Variants in R3HDM2 observed in about 807,000 individuals in gnomAD.
R3HDM2 encodes R3H domain-containing protein 2.
In R3HDM2, 38 loss-of-function variants were observed where a neutral mutation model predicts 124.5. That is an observed-to-expected ratio of 0.31 (90% confidence interval 0.24 to 0.40). The LOEUF (loss-of-function observed/expected upper bound fraction) is 0.40, where lower values mean the gene tolerates loss of function less well. R3HDM2 is among the 10% of genes least tolerant of loss of function. R3HDM2 has a pLI of 1.00. For synonymous variants in R3HDM2, 391 were observed against 448.0 expected, an observed-to-expected ratio of 0.87 and a Z score of 1.61; for missense variants, 869 against 1,236.9, an observed-to-expected ratio of 0.70 and a Z score of 4.46.
intron 2 of R3HDM2, among the ~76,000 whole-genome samples, chr12:57,381,636 C>A (rs2064896005): frequency 6.6e-6 from 1 of 151,274 alleles, no homozygotes; most frequent in Non-Finnish European, 1.5e-5. Context: ...AAATAGGATT[C>A]TAGAATTAAA....
intron 2 of R3HDM2, among the ~76,000 whole-genome samples, chr12:57,325,155 T>C (rs544957910): frequency 2.0e-5 from 3 of 152,346 alleles, no homozygotes; most frequent in East Asian, 3.9e-4. Flanking sequence ...TCTTTTGTTA[T>C]GGCAGCCCTA....
chr12:57,303,113 A>C (rs1054358682), intron 4 of R3HDM2, 63 bp downstream of exon 4: 4 of 1,379,728 alleles, frequency 2.9e-6, no homozygotes, highest in Non-Finnish European at 4.0e-6. Flanking sequence ...TATTCATGAC[A>C]AGTCTACTTG....
intron 18 of R3HDM2, chr12:57,268,072 CATAAATT>C (rs2042862451): frequency 5.7e-6 from 2 of 353,662 alleles, no homozygotes; most frequent in Non-Finnish European, 1.0e-5. Context: ...TGGAGGAAAT[CATAAATT>C]ATAAGTCTCT....
At chr12:57,304,452 A>C in intron 3 of R3HDM2, 1 of 948,274 alleles carries the variant, frequency 1.1e-6, no homozygotes, top group Non-Finnish European at 1.3e-6. Context: ...GGGGAGGGGA[A>C]ACAAGTCAGA....
intron 1 of R3HDM2, among the ~76,000 whole-genome samples, chr12:57,409,452 TTAAC>T (rs911688003): frequency 2.6e-5 from 4 of 151,248 alleles, no homozygotes; most frequent in Admixed American, 1.3e-4. Context: ...AGAAGTTCTG[TTAAC>T]TAACTGATAA....
intron 2 of R3HDM2, among the ~76,000 whole-genome samples, chr12:57,361,167 C>A (rs1269609946): frequency 1.3e-5 from 2 of 150,950 alleles, no homozygotes. Context: ...CCTGAGGTCG[C>A]GAGTTTGAGA....
chr12:57,379,025 G>T (rs1028513027), intron 2 of R3HDM2, among the ~76,000 whole-genome samples: 1 of 152,156 alleles, frequency 6.6e-6, no homozygotes, highest in African/African-American at 2.4e-5. Context: ...AATCATAGAA[G>T]ACGGAAAGTA....
At chr12:57,408,669 T>C (rs942932148) in intron 1 of R3HDM2, among the ~76,000 whole-genome samples, 1 of 152,182 alleles carries the variant, frequency 6.6e-6, no homozygotes, top group South Asian at 2.1e-4. Context: ...TATACCACTC[T>C]TGTTGCTTCT....
chr12:57,296,095 C>T lies in R3HDM2; in HGVS notation c.701+316G>A, dbSNP rs2049805362. ...ATCTTGGCCAAGCGGGTCTTGAACT[C>T]CTGACCTTATGATCCACCCGCCTCG... is the stretch of plus-strand genomic sequence containing the variant. On this transcript the variant is annotated intron_variant, in intron 9 of 23. Coordinates refer to ENST00000402412, the MANE Select transcript of R3HDM2 (RefSeq NM_001394031.1). The surrounding 1 kb of genome is among the most constrained non-coding windows in gnomAD (Gnocchi z 4.5). Among the ~76,000 whole-genome samples, 1 of 151,532 alleles carries T rather than the reference C, an allele frequency of 6.6e-6. No individual in the cohort carries two copies. The highest frequency in any genetic ancestry group is 1.5e-5 in the Non-Finnish European group (1 of 67,952).
chr12:57,354,055 TG>T (rs2060969203), intron 2 of R3HDM2, among the ~76,000 whole-genome samples: 1 of 152,058 alleles, frequency 6.6e-6, no homozygotes, highest in Admixed American at 6.6e-5. Context: ...GGTTTCACCA[TG>T]TTGGCCAGGC....
At chr12:57,362,523 G>A (rs567876804) in intron 2 of R3HDM2, among the ~76,000 whole-genome samples, 1 of 152,180 alleles carries the variant, frequency 6.6e-6, no homozygotes, top group Non-Finnish European at 1.5e-5. Context: ...CTAGTCAACA[G>A]TAGACGATTA....
chr12:57,264,230 A>G (rs1164700426), intron 19 of R3HDM2, among the ~76,000 whole-genome samples: 2 of 136,974 alleles, frequency 1.5e-5, no homozygotes, highest in African/African-American at 2.7e-5. Context: ...CGACAGAGAG[A>G]GACTCTGTCT....
chr12:57,335,163 T>G (rs1394321729), intron 2 of R3HDM2, among the ~76,000 whole-genome samples: 3 of 151,452 alleles, frequency 2.0e-5, no homozygotes, highest in Non-Finnish European at 4.4e-5. Context: ...TAACATATAT[T>G]TTTTCATATA....
At chr12:57,404,576 G>A (rs1000990284) in intron 1 of R3HDM2, among the ~76,000 whole-genome samples, 2 of 151,830 alleles carry the variant, frequency 1.3e-5, no homozygotes, top group African/African-American at 2.4e-5. Context: ...GGTGGCGTGC[G>A]CCTGTAGTCC....
Position 57,299,843 on chromosome 12 carries a change from G to T in R3HDM2, c.294+252C>A, listed in dbSNP as rs76445081. Among the ~76,000 whole-genome samples, 323 of 152,274 alleles carry T rather than the reference G, an allele frequency of 2.1e-3. 9 individuals are homozygous for T. The East Asian group carries it at 0.05, about 24-fold the overall frequency. ...CAAGATATGAAGACCTATACTTCAT[G>T]CTCTCACTATGCTGGGGTTTTTTTC... On this transcript the variant is annotated intron_variant, in intron 5 of 23. Coordinates refer to ENST00000402412, the MANE Select transcript of R3HDM2 (RefSeq NM_001394031.1).
intron 10 of R3HDM2, among the ~76,000 whole-genome samples, chr12:57,293,788 C>T (rs749690896): frequency 3.3e-5 from 5 of 152,164 alleles, no homozygotes; most frequent in Non-Finnish European, 7.4e-5. Context: ...TACCAATCTC[C>T]AAAGGTAACC....
Position 57,296,366 on chromosome 12 carries a change from G to A in R3HDM2, c.701+45C>T. 6 of 1,546,746 alleles carry A rather than the reference G, an allele frequency of 3.9e-6. No homozygotes were observed. Among genetic ancestry groups the A allele is most frequent in the Non-Finnish European group, 3.5e-6 (4 of 1,142,534 alleles). ...TACACCTTCCTCTTCCAACCCAGCA[G>A]GTTATCCCAGGGAAGTCTTCCCAAA... is the stretch of plus-strand genomic sequence containing the variant. On this transcript the variant is annotated intron_variant, in intron 9 of 23. Transcript: ENST00000402412. This position sits in a 1 kb window ranked among gnomAD's most constrained non-coding sequence, Gnocchi z 4.5.
At chr12:57,418,392 G>T (rs1014551253) in intron 1 of R3HDM2, 1 of 965,318 alleles carries the variant, frequency 1.0e-6, no homozygotes, top group Non-Finnish European at 1.2e-6. Flanking sequence ...TATTCCCAAC[G>T]GTGGTTGCGC....
Position 57,260,263 on chromosome 12 carries a change from C to CAAAAAAAAAAAAAAAAAAAAAAGAAAA in R3HDM2, c.2132-1205_2132-1204insTTTTCTTTTTTTTTTTTTTTTTTTTTT, listed in dbSNP as rs2040392579. Among the ~76,000 whole-genome samples the CAAAAAAAAAAAAAAAAAAAAAAGAAAA allele has an allele frequency of 2.7e-3, 86 of 31,560 alleles. 17 individuals are homozygous for CAAAAAAAAAAAAAAAAAAAAAAGAAAA. Among genetic ancestry groups the CAAAAAAAAAAAAAAAAAAAAAAGAAAA allele is most frequent in the South Asian group, 7.7e-3 (4 of 518 alleles). The allele number at this position is 31,560 out of a possible 152,430, so 20.7% of individuals were successfully genotyped here. On this transcript the variant is annotated intron_variant, in intron 19 of 23. Transcript: ENST00000402412. Reference sequence around the variant, plus strand: ...TGGGTGACAGAATGAGACCCTGCCTCAAAAAAAAAAAAAAAAAAAAAAGCC... The same window carrying CAAAAAAAAAAAAAAAAAAAAAAGAAAA: ...TGGGTGACAGAATGAGACCCTGCCTCAAAAAAAAAAAAAAAAAAAAAAGAAAAAAAAAAAAAAAAAAAAAAAAAAGCC...
Sources: allele counts gnomAD v4.1 joint callset (sites outside exome capture counted in the v4.1 genomes callset), GRCh38; gene constraint gnomAD v4.1.1; non-coding constraint Gnocchi (gnomAD v3.1); transcripts MANE v1.5; gene names NCBI Gene and HGNC (gene_info 2026-07-23, HGNC 2026-07-21).